Variants in ROBO2 observed in about 807,000 individuals in gnomAD.
The protein encoded by ROBO2 is roundabout homolog 2.
Under a neutral mutation model 160.8 loss-of-function variants are expected in ROBO2, and 53 were observed. The observed-to-expected ratio is 0.33, with a 90% CI of 0.26 to 0.41. The LOEUF is 0.41. ROBO2 is among the 10% of genes least tolerant of loss of function. ROBO2 has a pLI of 1.00. For missense variants in ROBO2, 1,577 were observed against 1,722.4 expected, an observed-to-expected ratio of 0.92 and a Z score of 1.49; for synonymous variants, 664 against 611.7, an observed-to-expected ratio of 1.09 and a Z score of -1.26.
intron 2 of ROBO2, among the ~76,000 whole-genome samples, chr3:76,378,234 A>C (rs1204916585): frequency 1.3e-5 from 2 of 152,186 alleles, no homozygotes; most frequent in African/African-American, 4.8e-5. Context: ...GTTTCAAAGG[A>C]GATCTTTAAA....
At chr3:77,132,133 A>G (rs749092383) in intron 2 of ROBO2, among the ~76,000 whole-genome samples, 5 of 152,252 alleles carry the variant, frequency 3.3e-5, no homozygotes, top group Non-Finnish European at 7.4e-5. Context: ...GAAGCTTATT[A>G]TAATCTTTAC....
At chr3:76,004,413 G>C (rs776613049) in intron 2 of ROBO2, among the ~76,000 whole-genome samples, 2 of 152,110 alleles carry the variant, frequency 1.3e-5, no homozygotes, top group Non-Finnish European at 2.9e-5. Flanking sequence ...GGGGCACTAG[G>C]TAACATAGTA....
intron 2 of ROBO2, among the ~76,000 whole-genome samples, chr3:77,448,345 C>G (rs1014904841): frequency 2.6e-5 from 4 of 152,092 alleles, no homozygotes; most frequent in Non-Finnish European, 5.9e-5. Context: ...CACCAACTAC[C>G]TACAAATGTA....
intron 2 of ROBO2, among the ~76,000 whole-genome samples, chr3:76,687,071 G>A (rs930253485): frequency 6.6e-6 from 1 of 151,896 alleles, no homozygotes; most frequent in Non-Finnish European, 1.5e-5. Context: ...TATCATGCAC[G>A]TATTCATGTA....
intron 2 of ROBO2, among the ~76,000 whole-genome samples, chr3:77,123,915 A>G (rs1183032454): frequency 7.5e-6 from 1 of 133,002 alleles, no homozygotes; most frequent in Non-Finnish European, 1.7e-5. Flanking sequence ...AGATAGATAT[A>G]TAGATTATCT....
At chr3:76,821,250 G>T (rs2066097059) in intron 2 of ROBO2, among the ~76,000 whole-genome samples, 1 of 151,734 alleles carries the variant, frequency 6.6e-6, no homozygotes, top group Non-Finnish European at 1.5e-5. Context: ...ACTGACTTTT[G>T]GTTTTAATGA....
chr3:77,003,575 T>A (rs2061432889), intron 2 of ROBO2, among the ~76,000 whole-genome samples: 1 of 152,152 alleles, frequency 6.6e-6, no homozygotes, highest in African/African-American at 2.4e-5. Context: ...TTCGTTTGTT[T>A]TTTGAGACAG....
chr3:77,579,839 T>C, intron 15 of ROBO2, 108 bp from the exon 17 acceptor site: 1 of 1,041,218 alleles, frequency 9.6e-7, no homozygotes, highest in Non-Finnish European at 1.5e-6. Flanking sequence ...TCTATAAGCC[T>C]AGAAGATAGA....
chr3:76,027,037 A>T (rs1276122898), intron 2 of ROBO2, among the ~76,000 whole-genome samples: 1 of 151,928 alleles, frequency 6.6e-6, no homozygotes, highest in Non-Finnish European at 1.5e-5. Flanking sequence ...AAAGCCCACC[A>T]AAAGAGATTT....
chr3:77,481,387 G>C (rs900203380), intron 4 of ROBO2, among the ~76,000 whole-genome samples, 168 bp downstream of exon 4: 2 of 152,138 alleles, frequency 1.3e-5, no homozygotes, highest in East Asian at 3.9e-4. Flanking sequence ...TGAAAGCTTC[G>C]ATGTAAAGAA....
chr3:77,029,880 ATTAAT>A, intron 2 of ROBO2, among the ~76,000 whole-genome samples: 1 of 152,172 alleles, frequency 6.6e-6, no homozygotes, highest in Non-Finnish European at 1.5e-5. Flanking sequence ...AGGTTTCTTT[ATTAAT>A]TTAAATAGGC....
chr3:76,494,237 G>A (rs181519171), intron 2 of ROBO2, among the ~76,000 whole-genome samples: 37 of 152,270 alleles, frequency 2.4e-4, no homozygotes, highest in African/African-American at 8.4e-4. Context: ...TCATGTGTAA[G>A]GGAGGCAAAA....
chr3:77,068,189 C>T (rs759255494), intron 1 of ROBO2, among the ~76,000 whole-genome samples: 1 of 152,086 alleles, frequency 6.6e-6, no homozygotes, highest in Non-Finnish European at 1.5e-5. Flanking sequence ...ACTTTTCTCT[C>T]ACCACTGAGA....
intron 2 of ROBO2, among the ~76,000 whole-genome samples, chr3:77,309,817 G>A (rs2063391288): frequency 6.6e-6 from 1 of 152,166 alleles, no homozygotes; most frequent in African/African-American, 2.4e-5. Flanking sequence ...TGATACTGTT[G>A]AAGGGTCCAT....
At chr3:77,603,981 G>A (rs2094478496) in intron 20 of ROBO2, 1 of 152,028 alleles carries the variant, frequency 6.6e-6, no homozygotes, top group Non-Finnish European at 1.5e-5. Context: ...AGTGTATTAT[G>A]GCATGTCACA....
chr3:77,119,880 T>G (rs767597320), intron 2 of ROBO2, among the ~76,000 whole-genome samples: 1 of 152,210 alleles, frequency 6.6e-6, no homozygotes, highest in African/African-American at 2.4e-5. Context: ...TCCAGTTTCA[T>G]ATAGTAAAAT....
At chr3:76,983,316 A>C (rs995541399) in intron 2 of ROBO2, among the ~76,000 whole-genome samples, 1 of 152,296 alleles carries the variant, frequency 6.6e-6, no homozygotes, top group South Asian at 2.1e-4. Flanking sequence ...GTACATATTT[A>C]ATATTTAGAA....
chr3:77,314,888 G>T (rs1444629270), intron 2 of ROBO2, among the ~76,000 whole-genome samples: 1 of 152,068 alleles, frequency 6.6e-6, no homozygotes, highest in Non-Finnish European at 1.5e-5. Context: ...CTTATTTTTG[G>T]CCTTCTTTTT....
intron 2 of ROBO2, among the ~76,000 whole-genome samples, chr3:76,626,015 A>G (rs2089617175): frequency 6.6e-6 from 1 of 152,192 alleles, no homozygotes; most frequent in African/African-American, 2.4e-5. Flanking sequence ...AGTAGCAGAG[A>G]TAGTGAGAGG....
Sources: gnomAD v4.1 joint callset for allele counts (sites outside exome capture counted in the v4.1 genomes callset) on GRCh38, gnomAD v4.1.1 for gene constraint, MANE v1.5 for transcripts, NCBI Gene and HGNC (gene_info 2026-07-23, HGNC 2026-07-21) for gene names.